Variants in UGT1A10 observed in about 807,000 individuals in gnomAD.
The protein encoded by UGT1A10 is UDP-glucuronosyltransferase 1A10.
Under a neutral mutation model 45.8 loss-of-function variants are expected in UGT1A10, and 49 were observed. That is an observed-to-expected ratio of 1.07 (90% CI 0.85 to 1.36). The LOEUF (loss-of-function observed/expected upper bound fraction) is 1.36, where lower values mean the gene tolerates loss of function less well. UGT1A10 is among the 40% of genes most tolerant of loss of function. The pLI is 0.00. For missense variants in UGT1A10, 745 were observed against 668.6 expected (o/e 1.11, Z -1.26); for synonymous variants, 284 against 249.7 (o/e 1.14, Z -1.29).
intron 1 of UGT1A10, chr2:233,743,606 A>C (rs1409222712): frequency 7.3e-7 from 1 of 1,367,154 alleles, no homozygotes; most frequent in African/African-American, 1.5e-5. Context: ...CTGGCCGCCG[A>C]AGAACTCCCT....
At chr2:233,650,083 G>A (rs1392627497) in intron 1 of UGT1A10, among the ~76,000 whole-genome samples, 2 of 152,142 alleles carry the variant, frequency 1.3e-5, no homozygotes, top group Non-Finnish European at 2.9e-5. Context: ...CGATTCACCT[G>A]CCTCAGCCTC....
chr2:233,690,906 T>A (rs1187282052), intron 1 of UGT1A10: 1 of 1,025,974 alleles, frequency 9.7e-7, no homozygotes, highest in African/African-American at 1.7e-5. Flanking sequence ...TGCATAGTGA[T>A]GTTAGTTTCA....
intron 1 of UGT1A10, among the ~76,000 whole-genome samples, chr2:233,748,343 G>T (rs192012783): frequency 6.6e-6 from 1 of 151,752 alleles, no homozygotes; most frequent in Non-Finnish European, 1.5e-5. Flanking sequence ...GAGACTGTTC[G>T]TTTGTAAAGG....
intron 1 of UGT1A10, among the ~76,000 whole-genome samples, chr2:233,698,126 G>T (rs753031905): frequency 2.0e-5 from 3 of 152,148 alleles, no homozygotes; most frequent in Admixed American, 1.3e-4. Flanking sequence ...GCTTGACCTT[G>T]TTTGTGTCTC....
At chr2:233,756,557 G>C (rs1264520005) in intron 1 of UGT1A10, among the ~76,000 whole-genome samples, 1 of 152,134 alleles carries the variant, frequency 6.6e-6, no homozygotes, top group Admixed American at 6.6e-5. Flanking sequence ...CAACCAGGGA[G>C]ATCCTCTCAG....
chr2:233,690,583 C>T, intron 1 of UGT1A10: 2 of 1,283,576 alleles, frequency 1.6e-6, no homozygotes, highest in Non-Finnish European at 2.0e-6. Context: ...TGCAGCAATC[C>T]CTGAGAAAAA....
At chr2:233,734,277 A>G (rs1251036524) in intron 1 of UGT1A10, among the ~76,000 whole-genome samples, 2 of 152,092 alleles carry the variant, frequency 1.3e-5, no homozygotes, top group African/African-American at 4.8e-5. Context: ...CCAGGAATTT[A>G]TCCATTTCTT....
At chr2:233,718,630 C>G (rs2076669479) in intron 1 of UGT1A10, 1 of 1,443,994 alleles carries the variant, frequency 6.9e-7, no homozygotes, top group Non-Finnish European at 9.3e-7. Flanking sequence ...ATTGGTCTTT[C>G]CCAGGGTTGG....
At chr2:233,771,266 TTTTC>T (rs1700270540) in intron 4 of UGT1A10, 1 of 152,178 alleles carries the variant, frequency 6.6e-6, no homozygotes, top group Non-Finnish European at 1.5e-5. Context: ...GTGCCTTTTT[TTTTC>T]TTTCTTCTCC....
chr2:233,744,651 A>T lies in UGT1A10; in HGVS notation c.856-22383A>T, dbSNP rs887119274. Among the ~76,000 whole-genome samples, 395 of 152,016 alleles carry T rather than the reference A, an allele frequency of 2.6e-3. 3 individuals are homozygous for T. Among genetic ancestry groups the T allele is most frequent in the Middle Eastern group, 6.8e-3 (2 of 294 alleles). On this transcript the variant is annotated intron_variant, in intron 1 of 4. Transcript: ENST00000344644. The stretch of plus-strand genomic sequence containing the variant: ...GATTCTCATGTCAGCTTCTGTATTC[A>T]ATCTACTGTGATATTACACATCACC...
chr2:233,649,004 A>G, intron 1 of UGT1A10: 7 of 1,368,084 alleles, frequency 5.1e-6, no homozygotes, highest in Admixed American at 3.6e-5. Flanking sequence ...ATCAACTGCA[A>G]TCAGGGAAAG....
chr2:233,697,896 A>G (rs1200423778), intron 1 of UGT1A10, among the ~76,000 whole-genome samples: 2 of 152,230 alleles, frequency 1.3e-5, no homozygotes, highest in Non-Finnish European at 2.9e-5. Flanking sequence ...ATTGAATCAA[A>G]TCTATTGACT....
At chr2:233,731,204 C>T (rs755932690) in intron 1 of UGT1A10, among the ~76,000 whole-genome samples, 4 of 151,184 alleles carry the variant, frequency 2.6e-5, no homozygotes, top group Admixed American at 6.6e-5. Context: ...TTATAAAATA[C>T]GTGTTTATTT....
chr2:233,743,731 G>T (rs373030535), intron 1 of UGT1A10: 5 of 1,367,244 alleles, frequency 3.7e-6, no homozygotes, highest in African/African-American at 3.0e-5. Context: ...CATAGATATC[G>T]CGTTTCTTGG....
At chr2:233,759,343 G>A (rs548174363) in intron 1 of UGT1A10, among the ~76,000 whole-genome samples, 89 of 152,214 alleles carry the variant, frequency 5.8e-4, no homozygotes, top group Non-Finnish European at 1.2e-3. Context: ...TCAGGTGAGC[G>A]CTGAAAATCT....
At chr2:233,660,528 T>C (rs1224607087) in intron 1 of UGT1A10, among the ~76,000 whole-genome samples, 3 of 152,232 alleles carry the variant, frequency 2.0e-5, no homozygotes, top group African/African-American at 7.2e-5. Flanking sequence ...AAAGTGTTTC[T>C]GTTGTACTGG....
intron 1 of UGT1A10, among the ~76,000 whole-genome samples, chr2:233,761,962 G>T (rs1257423083): frequency 6.6e-6 from 1 of 152,228 alleles, no homozygotes; most frequent in Non-Finnish European, 1.5e-5. Context: ...CCATTAAGGG[G>T]ACTGATATCA....
chr2:233,685,437 A>G (rs4553819), intron 1 of UGT1A10, among the ~76,000 whole-genome samples: 59,161 of 151,978 alleles, frequency 0.39, 11,698 homozygotes, highest in South Asian at 0.45. Context: ...AAAGAATTCG[A>G]GCTGAATCTA....
chr2:233,756,509 C>T (rs138449392), intron 1 of UGT1A10, among the ~76,000 whole-genome samples: 7 of 151,986 alleles, frequency 4.6e-5, no homozygotes, highest in African/African-American at 1.7e-4. Context: ...TATGGAGGGT[C>T]AAATGTGCAT....
Sources: allele counts gnomAD v4.1 joint callset (sites outside exome capture counted in the v4.1 genomes callset), GRCh38; gene constraint gnomAD v4.1.1; transcripts MANE v1.5; gene names NCBI Gene and HGNC (gene_info 2026-07-23, HGNC 2026-07-21).